The following LCORL variants were observed in gnomAD, a reference collection of about 807,000 sequenced individuals.
LCORL encodes the protein ligand dependent nuclear receptor corepressor like.
LCORL carries 41 observed loss-of-function variants against 141.8 expected under a neutral mutation model. The ratio of observed to expected loss-of-function variants is 0.29; its 90% confidence interval spans 0.23 to 0.38. The LOEUF (loss-of-function observed/expected upper bound fraction) is 0.38. Ranked by LOEUF, LCORL falls within the 10% of genes least tolerant of loss-of-function variation. The probability of loss-of-function intolerance (pLI) is 1.00; values close to 1 mark genes in which losing one functional copy is unlikely to be tolerated. For missense variants in LCORL, 1,759 were observed against 2,035.0 expected (o/e 0.86, Z 2.61); for synonymous variants, 618 against 694.1 (o/e 0.89, Z 1.72).
intron 4 of LCORL, among the ~76,000 whole-genome samples, chr4:17,939,408 TATG>T (rs1302689386): frequency 2.0e-5 from 3 of 152,194 alleles, no homozygotes; most frequent in African/African-American, 7.2e-5. Context: ...AAATAGGTTT[TATG>T]TTTTATATTT....
rs1577327800 is a variant in LCORL, at chr4:17,885,935, G to A, written c.776+133C>T. 7.2e-5 allele frequency: 30 copies of A among 417,622 alleles called. No individual in the cohort carries two copies. In the East Asian group the frequency reaches 1.1e-3, roughly 15 times the overall value. 25.9% of individuals were successfully genotyped at this position (417,622 alleles called of 1,614,324 possible). A position where few individuals can be genotyped will look rare whatever the true frequency, so the allele number is the denominator to read the frequency against. On this transcript the variant is annotated intron_variant, in intron 6 of 7. Transcript: ENST00000635767. ...GAAAGGACAAATGAAAGGTATGAGA[G>A]AGAGACACTTATGAGTGACAAAAAT...
intron 1 of LCORL, among the ~76,000 whole-genome samples, chr4:17,975,664 G>A (rs1289492466): frequency 6.6e-6 from 1 of 152,122 alleles, no homozygotes; most frequent in Non-Finnish European, 1.5e-5. Flanking sequence ...CCAAAGTGCT[G>A]GGATTACAGA....
intron 1 of LCORL, among the ~76,000 whole-genome samples, chr4:18,011,512 G>A (rs546846238): frequency 1.0e-3 from 150 of 150,552 alleles, no homozygotes; most frequent in Non-Finnish European, 1.7e-3. Flanking sequence ...CCTACTTTCT[G>A]CTGCTAACCT....
chr4:17,853,213 GTTCTAA>G (rs1348158786), intron 7 of LCORL, among the ~76,000 whole-genome samples: 1 of 151,978 alleles, frequency 6.6e-6, no homozygotes, highest in Non-Finnish European at 1.5e-5. Flanking sequence ...CTCTTGGATT[GTTCTAA>G]TTCTGTCATG....
intron 1 of LCORL, among the ~76,000 whole-genome samples, chr4:17,990,642 G>GAT (rs1206671100): frequency 7.6e-6 from 1 of 131,352 alleles, no homozygotes; most frequent in African/African-American, 2.9e-5. Flanking sequence ...TCCCATCTTG[G>GAT]TTTTTTTTTT....
intron 4 of LCORL, among the ~76,000 whole-genome samples, chr4:17,919,169 T>C (rs1253590543): frequency 6.6e-6 from 1 of 152,078 alleles, no homozygotes. Flanking sequence ...GCCAAATTCC[T>C]AAGAGGACAC....
At chr4:18,015,501 C>T (rs1724495782) in intron 1 of LCORL, among the ~76,000 whole-genome samples, 1 of 152,080 alleles carries the variant, frequency 6.6e-6, no homozygotes, top group Non-Finnish European at 1.5e-5. Context: ...CATGTCTTAA[C>T]CATCCAACTA....
chr4:18,008,952 C>T (rs1445563428), intron 1 of LCORL, among the ~76,000 whole-genome samples: 3 of 152,104 alleles, frequency 2.0e-5, no homozygotes, highest in Admixed American at 6.5e-5. Context: ...TAAATGTCTA[C>T]ATAATGACCC....
chr4:17,955,064 A>G (rs1712314274), intron 4 of LCORL, among the ~76,000 whole-genome samples: 1 of 152,198 alleles, frequency 6.6e-6, no homozygotes, highest in South Asian at 2.1e-4. Context: ...AAGTGAGTGA[A>G]TGTATATCAA....
chr4:18,009,102 CATGTGT>C (rs1723265264), intron 1 of LCORL, among the ~76,000 whole-genome samples: 1 of 152,062 alleles, frequency 6.6e-6, no homozygotes, highest in African/African-American at 2.4e-5. Flanking sequence ...CAGTATAGGG[CATGTGT>C]ATGTATACAT....
At chr4:18,009,883 C>T (rs1723420341) in intron 1 of LCORL, among the ~76,000 whole-genome samples, 1 of 152,196 alleles carries the variant, frequency 6.6e-6, no homozygotes, top group Non-Finnish European at 1.5e-5. Flanking sequence ...TGAGATCCCA[C>T]TCCTCTTACA....
At chr4:17,897,226 T>C (rs947611913) in intron 5 of LCORL, among the ~76,000 whole-genome samples, 2,686 of 119,732 alleles carry the variant, frequency 0.022, 357 homozygotes, top group African/African-American at 0.085. Context: ...TTTTTTTTTT[T>C]TTTTTTTTTT....
chr4:17,973,318 G>A (rs1401630538), intron 1 of LCORL, among the ~76,000 whole-genome samples: 1 of 151,754 alleles, frequency 6.6e-6, no homozygotes, highest in African/African-American at 2.4e-5. Context: ...TCAATAGGGA[G>A]AAATCTTTCT....
intron 6 of LCORL, among the ~76,000 whole-genome samples, chr4:17,885,316 A>G (rs1728121117): frequency 6.6e-6 from 1 of 151,962 alleles, no homozygotes; most frequent in Admixed American, 6.6e-5. Context: ...TTAATTTTAG[A>G]TATTATAAAT....
intron 4 of LCORL, among the ~76,000 whole-genome samples, chr4:17,943,614 A>T (rs1738333025): frequency 6.6e-6 from 1 of 152,196 alleles, no homozygotes; most frequent in South Asian, 2.1e-4. Context: ...TTCACCACTG[A>T]TATGCGCTGC....
intron 4 of LCORL, among the ~76,000 whole-genome samples, chr4:17,920,155 G>A (rs958537640): frequency 6.6e-6 from 1 of 152,170 alleles, no homozygotes; most frequent in Non-Finnish European, 1.5e-5. Context: ...ACCCCAACTT[G>A]AAGCCAGTCA....
chr4:18,004,904 G>T (rs186626951), intron 1 of LCORL, among the ~76,000 whole-genome samples: 3 of 151,704 alleles, frequency 2.0e-5, no homozygotes, highest in Non-Finnish European at 4.4e-5. Context: ...ATGCAAATCC[G>T]AAATCCAGCA....
intron 1 of LCORL, among the ~76,000 whole-genome samples, chr4:18,007,505 C>T (rs143267183): frequency 2.1e-3 from 317 of 152,200 alleles, no homozygotes; most frequent in African/African-American, 7.1e-3. Context: ...CTTCTATTAT[C>T]GCATTTATCG....
chr4:17,918,600 A>G (rs994843686), intron 4 of LCORL, among the ~76,000 whole-genome samples: 2 of 152,172 alleles, frequency 1.3e-5, no homozygotes, highest in African/African-American at 4.8e-5. Context: ...GGTAGATTTG[A>G]CCTGGCAGAA....
Sources: gnomAD v4.1 joint callset for allele counts (sites outside exome capture counted in the v4.1 genomes callset) on GRCh38, gnomAD v4.1.1 for gene constraint, MANE v1.5 for transcripts, NCBI Gene and HGNC (gene_info 2026-07-23, HGNC 2026-07-21) for gene names.